The following ATP9B variants were observed in gnomAD, a reference collection of about 807,000 sequenced individuals.
The protein encoded by ATP9B is probable phospholipid-transporting ATPase IIB.
A neutral mutation model predicts 146.1 loss-of-function variants in ATP9B; 110 were observed. The ratio of observed to expected loss-of-function variants is 0.75; its 90% CI spans 0.65 to 0.88. The LOEUF is 0.88. Among genes scored for constraint, ATP9B ranks in the 40% least tolerant of loss-of-function variants. The pLI is 0.00. For synonymous variants in ATP9B, 604 were observed against 569.7 expected, an observed-to-expected ratio of 1.06 and a Z score of -0.86; for missense variants, 1,499 against 1,496.4, an observed-to-expected ratio of 1.00 and a Z score of -0.03.
At chr18:79,101,233 C>T (rs1029079613) in intron 2 of ATP9B, among the ~76,000 whole-genome samples, 1 of 151,784 alleles carries the variant, frequency 6.6e-6, no homozygotes, top group African/African-American at 2.4e-5. Flanking sequence ...CCCTCTGAGC[C>T]CTGGCCTTGG....
At chr18:79,151,566 T>C (rs1455645850) in intron 6 of ATP9B, among the ~76,000 whole-genome samples, 1 of 152,218 alleles carries the variant, frequency 6.6e-6, no homozygotes, top group Non-Finnish European at 1.5e-5. Flanking sequence ...GGAGTGGAGC[T>C]GCTGTGTTTT....
At chr18:79,195,722 T>C (rs12954860) in intron 9 of ATP9B, among the ~76,000 whole-genome samples, 1 of 152,136 alleles carries the variant, frequency 6.6e-6, no homozygotes, top group African/African-American at 2.4e-5. Flanking sequence ...AACGTGAGCA[T>C]CTGAGAAGGG....
intron 15 of ATP9B, 150 bp downstream of exon 15, chr18:79,307,384 C>T (rs2096625507): frequency 4.3e-6 from 5 of 1,169,542 alleles, no homozygotes; most frequent in Middle Eastern, 2.9e-4. Flanking sequence ...AACTGCCCAA[C>T]CTATTCCAGC....
chr18:79,316,442 C>G (rs188950723), intron 15 of ATP9B, among the ~76,000 whole-genome samples: 1 of 152,298 alleles, frequency 6.6e-6, no homozygotes, highest in Admixed American at 6.5e-5. Flanking sequence ...CAGCCTTCTT[C>G]CCATGTCTGT....
At chr18:79,373,175 TAG>T (rs568195527) in intron 27 of ATP9B, among the ~76,000 whole-genome samples, 215 of 152,308 alleles carry the variant, frequency 1.4e-3, no homozygotes, top group African/African-American at 4.9e-3. Flanking sequence ...CTTTCTTTCA[TAG>T]AGTGATAAAA....
intron 27 of ATP9B, 64 bp from the exon 28 acceptor site, chr18:79,373,834 C>T: frequency 6.4e-7 from 1 of 1,562,472 alleles, no homozygotes; most frequent in Non-Finnish European, 8.8e-7. Flanking sequence ...TGGTTCAAGG[C>T]TGTTTCCTCT....
At chr18:79,090,239 T>G (rs140543251) in intron 1 of ATP9B, among the ~76,000 whole-genome samples, 28 of 152,358 alleles carry the variant, frequency 1.8e-4, no homozygotes, top group African/African-American at 6.0e-4. Flanking sequence ...AACATAGGAA[T>G]GCAGGTATCT....
chr18:79,366,340 C>T (rs139143436), intron 26 of ATP9B, among the ~76,000 whole-genome samples: 41 of 152,284 alleles, frequency 2.7e-4, no homozygotes, highest in African/African-American at 8.4e-4. Context: ...GCCCATGAAC[C>T]GCAGAACCAC....
chr18:79,214,752 C>T lies in ATP9B; in HGVS notation c.1107+714C>T, dbSNP rs375251876. Among the ~76,000 whole-genome samples the T allele has an allele frequency of 2.6e-5, 4 of 152,304 alleles. No homozygotes were observed. The East Asian group carries it at 5.8e-4, about 22-fold the overall frequency. On this transcript the variant is annotated intron_variant, in intron 11 of 29. Transcript: ENST00000426216. Reference sequence around the variant, plus strand: ...GCATTTAGATGAAACAAAAAATCCTCACATGGATTTATGCCTCACTCTGTG... The same window carrying T: ...GCATTTAGATGAAACAAAAAATCCTTACATGGATTTATGCCTCACTCTGTG...
rs140940773 is a variant in ATP9B, at chr18:79,373,852, T to C, written c.3071-46T>C. ...TTCAAGGCTGTTTCCTCTAGCTGGC[T>C]TACACCCTGCTCGTGTGCATGGAAA... On this transcript the variant is annotated intron_variant, in intron 27 of 29. Coordinates refer to ENST00000426216, the MANE Select transcript of ATP9B (RefSeq NM_198531.5). 1.8e-4 allele frequency: 295 copies of C among 1,605,180 alleles called. 1 individual carries two copies. The African/African-American group carries it at 2.6e-3, about 14-fold the overall frequency.
chr18:79,193,389 T>A, intron 9 of ATP9B, 126 bp downstream of exon 9: 1 of 775,074 alleles, frequency 1.3e-6, no homozygotes, highest in South Asian at 1.9e-5. Flanking sequence ...AGGGAAAACC[T>A]ATATAATGTT....
intron 5 of ATP9B, among the ~76,000 whole-genome samples, chr18:79,127,250 G>A (rs2094302491): frequency 6.6e-6 from 1 of 152,140 alleles, no homozygotes; most frequent in South Asian, 2.1e-4. Flanking sequence ...TGTTTTTGGT[G>A]TATTCATAAA....
intron 4 of ATP9B, among the ~76,000 whole-genome samples, chr18:79,118,289 T>G (rs1410378546): frequency 6.6e-6 from 1 of 152,160 alleles, no homozygotes; most frequent in Non-Finnish European, 1.5e-5. Flanking sequence ...TGCTGTTGAT[T>G]TTTTTCATTT....
chr18:79,375,998 G>A (rs182822401), intron 29 of ATP9B: 1 of 985,350 alleles, frequency 1.0e-6, no homozygotes, highest in East Asian at 1.1e-4. Context: ...TGGTCCTGGT[G>A]AGTAGATGGT....
chr18:79,218,266 T>C (rs2095646630), intron 11 of ATP9B, among the ~76,000 whole-genome samples: 1 of 151,566 alleles, frequency 6.6e-6, no homozygotes, highest in African/African-American at 2.4e-5. Context: ...TCTTGTCATA[T>C]TTTCCTCGTG....
intron 11 of ATP9B, among the ~76,000 whole-genome samples, chr18:79,223,052 G>T (rs569779401): frequency 1.3e-5 from 2 of 152,276 alleles, no homozygotes; most frequent in East Asian, 1.9e-4. Flanking sequence ...AATCCCTTGG[G>T]TATATTGATT....
chr18:79,122,488 C>T (rs2094206719), intron 4 of ATP9B, among the ~76,000 whole-genome samples: 1 of 152,156 alleles, frequency 6.6e-6, no homozygotes, highest in Non-Finnish European at 1.5e-5. Flanking sequence ...AAACCAGTGA[C>T]ATCTTTGAAT....
At position 79,258,745 on chromosome 18, in the gene ATP9B, T is replaced by A. The variant is rs186342040; in HGVS notation, c.1268+5204T>A. Among the ~76,000 whole-genome samples, 19 of 152,308 alleles carry A rather than the reference T, an allele frequency of 1.2e-4. No homozygotes were observed. The East Asian group carries it at 3.5e-3, about 28-fold the overall frequency. On this transcript the variant is annotated intron_variant, in intron 12 of 29. Coordinates refer to ENST00000426216, the MANE Select transcript of ATP9B (RefSeq NM_198531.5). ...TACGAAGCAGAACTGTCAGTTCCCCTCTGTTTAGCTCCAGAACATCTCACA... is the reference window on the plus strand; with the variant it reads ...TACGAAGCAGAACTGTCAGTTCCCCACTGTTTAGCTCCAGAACATCTCACA...
chr18:79,248,726 A>G (rs545367509), intron 11 of ATP9B, among the ~76,000 whole-genome samples: 1 of 152,352 alleles, frequency 6.6e-6, no homozygotes, highest in African/African-American at 2.4e-5. Flanking sequence ...AAAATAATTT[A>G]GTTTTCTGCA....
Sources: allele counts gnomAD v4.1 joint callset (sites outside exome capture counted in the v4.1 genomes callset), GRCh38; gene constraint gnomAD v4.1.1; transcripts MANE v1.5; gene names NCBI Gene and HGNC (gene_info 2026-07-23, HGNC 2026-07-21).